The following SNX29 variants were observed in gnomAD, a reference collection of about 807,000 sequenced individuals.
SNX29 encodes sorting nexin-29.
SNX29 carries 78 observed loss-of-function variants against 102.1 expected under a neutral mutation model. The observed-to-expected ratio is 0.76, with a 90% CI of 0.64 to 0.92. The LOEUF (loss-of-function observed/expected upper bound fraction) is 0.92, where lower values mean the gene tolerates loss of function less well. Among genes scored for constraint, SNX29 ranks in the 40% least tolerant of loss-of-function variants. SNX29 has a pLI of 0.00. For synonymous variants in SNX29, 580 were observed against 414.5 expected (o/e 1.40, Z -4.85); for missense variants, 1,280 against 1,061.7 (o/e 1.21, Z -2.86).
intron 20 of SNX29, among the ~76,000 whole-genome samples, chr16:12,553,008 G>T (rs548469587): frequency 6.6e-6 from 1 of 152,240 alleles, no homozygotes; most frequent in Non-Finnish European, 1.5e-5. Context: ...AATCAGGAGA[G>T]TGGGATTAGA....
intron 1 of SNX29, among the ~76,000 whole-genome samples, chr16:11,991,600 C>T (rs13334568): frequency 0.092 from 14,022 of 151,666 alleles, 1,176 homozygotes; most frequent in African/African-American, 0.22. Context: ...TGGAGTGCAG[C>T]GGTGTGATCT....
chr16:12,212,391 A>T (rs1042222408), intron 14 of SNX29, among the ~76,000 whole-genome samples: 3 of 152,128 alleles, frequency 2.0e-5, no homozygotes, highest in African/African-American at 7.2e-5. Flanking sequence ...TTGTCCTTGA[A>T]GGCTACTTCG....
intron 5 of SNX29, among the ~76,000 whole-genome samples, chr16:12,044,596 T>G (rs950382403): frequency 1.3e-5 from 2 of 152,040 alleles, no homozygotes; most frequent in African/African-American, 4.8e-5. Context: ...TCCTTTTTTT[T>G]GAGAAGAAGT....
At chr16:12,075,565 C>G (rs557051362) in intron 10 of SNX29, among the ~76,000 whole-genome samples, 1 of 152,190 alleles carries the variant, frequency 6.6e-6, no homozygotes, top group Non-Finnish European at 1.5e-5. Flanking sequence ...AGGTGTCAGT[C>G]TGCCCCTACT....
At chr16:12,174,087 T>G (rs2076208742) in intron 13 of SNX29, among the ~76,000 whole-genome samples, 1 of 152,216 alleles carries the variant, frequency 6.6e-6, no homozygotes, top group Non-Finnish European at 1.5e-5. Flanking sequence ...CGGCCCCCTG[T>G]GCTTCTTATT....
intron 13 of SNX29, among the ~76,000 whole-genome samples, chr16:12,194,339 C>T (rs947411111): frequency 1.3e-5 from 2 of 152,150 alleles, no homozygotes; most frequent in Non-Finnish European, 1.5e-5. Flanking sequence ...ACCCTGTGTT[C>T]TGTGACCTTG....
At chr16:12,019,238 C>T (rs763852950) in intron 3 of SNX29, among the ~76,000 whole-genome samples, 4 of 152,230 alleles carry the variant, frequency 2.6e-5, no homozygotes, top group East Asian at 1.9e-4. Context: ...GATGGAGTCT[C>T]GCTCTGTCAC....
At chr16:12,475,401 T>C (rs1054483431) in intron 18 of SNX29, among the ~76,000 whole-genome samples, 2 of 152,232 alleles carry the variant, frequency 1.3e-5, no homozygotes, top group Non-Finnish European at 2.9e-5. Flanking sequence ...GTTATCAAAC[T>C]CTTTTTGTAA....
intron 13 of SNX29, among the ~76,000 whole-genome samples, chr16:12,141,944 A>C (rs73519827): frequency 0.025 from 3,744 of 152,214 alleles, 165 homozygotes; most frequent in African/African-American, 0.087. Flanking sequence ...TCTCAGCCTC[A>C]TTTTAACCAG....
chr16:12,114,989 T>C (rs1233331873), intron 11 of SNX29, among the ~76,000 whole-genome samples: 3 of 152,278 alleles, frequency 2.0e-5, no homozygotes, highest in Middle Eastern at 3.4e-3. Context: ...CTGCTAGCAG[T>C]TGCTATTAGG....
intron 15 of SNX29, among the ~76,000 whole-genome samples, chr16:12,293,934 G>T (rs2079889336): frequency 1.3e-5 from 2 of 152,156 alleles, no homozygotes; most frequent in Non-Finnish European, 2.9e-5. Flanking sequence ...CTGTGTGGCG[G>T]TATTACTCTC....
At chr16:12,398,624 G>A (rs774269855) in intron 17 of SNX29, 123 bp downstream of exon 17, 3 of 1,109,466 alleles carry the variant, frequency 2.7e-6, no homozygotes, top group Non-Finnish European at 4.1e-6. Flanking sequence ...AGGTTGATGT[G>A]GTTCTTGTAG....
intron 15 of SNX29, among the ~76,000 whole-genome samples, chr16:12,279,718 G>A (rs1364723591): frequency 6.6e-6 from 1 of 152,244 alleles, no homozygotes; most frequent in Non-Finnish European, 1.5e-5. Context: ...ACGTTCCACA[G>A]CCACTTATTG....
chr16:12,106,326 T>C (rs2053238254), intron 11 of SNX29, among the ~76,000 whole-genome samples: 1 of 152,024 alleles, frequency 6.6e-6, no homozygotes, highest in Non-Finnish European at 1.5e-5. Context: ...AGAATTTTCT[T>C]TCTTCCCACT....
chr16:12,418,337 G>A (rs537774015), intron 18 of SNX29, among the ~76,000 whole-genome samples: 3 of 152,148 alleles, frequency 2.0e-5, no homozygotes, highest in Non-Finnish European at 2.9e-5. Context: ...CACATCAGAT[G>A]TAGGATGTTC....
At chr16:12,247,827 C>A (rs1016735796) in intron 14 of SNX29, among the ~76,000 whole-genome samples, 1 of 152,134 alleles carries the variant, frequency 6.6e-6, no homozygotes, top group Non-Finnish European at 1.5e-5. Flanking sequence ...CAGTTATGAC[C>A]ACATGTGCTT....
intron 15 of SNX29, among the ~76,000 whole-genome samples, chr16:12,294,904 A>C (rs569821707): frequency 6.6e-6 from 1 of 152,274 alleles, no homozygotes; most frequent in East Asian, 1.9e-4. Flanking sequence ...TTAAAAAAAA[A>C]AGGCTTAATG....
Position 12,556,689 on chromosome 16 carries a change from A to T in SNX29, c.2319-11817A>T, listed in dbSNP as rs115889278. On this transcript the variant is annotated intron_variant, in intron 20 of 20. Transcript: ENST00000566228. Reference sequence around the variant, plus strand: ...GTGGAAGCAGTAGTCATGTGTCTGGAGGCAGAAGCCAAAGGCCAGTGGGTC... The same window carrying T: ...GTGGAAGCAGTAGTCATGTGTCTGGTGGCAGAAGCCAAAGGCCAGTGGGTC... 6.2e-4 allele frequency: 94 copies of T among 152,312 alleles called. 1 individual carries two copies. Among genetic ancestry groups the T allele is most frequent in the African/African-American group, 2.1e-3 (89 of 41,532 alleles). 9.4% of individuals were successfully genotyped at this position (152,312 alleles called of 1,614,324 possible).
At chr16:12,187,678 A>T (rs904804852) in intron 13 of SNX29, among the ~76,000 whole-genome samples, 1 of 151,180 alleles carries the variant, frequency 6.6e-6, no homozygotes, top group Admixed American at 6.6e-5. Flanking sequence ...TCTCCCCCCA[A>T]CCCCCTTTTT....
Sources: gnomAD v4.1 joint callset for allele counts (sites outside exome capture counted in the v4.1 genomes callset) on GRCh38, gnomAD v4.1.1 for gene constraint, MANE v1.5 for transcripts, NCBI Gene and HGNC (gene_info 2026-07-23, HGNC 2026-07-21) for gene names.